Variants in RAB28 observed in about 807,000 individuals in gnomAD.
The protein encoded by RAB28 is ras-related protein Rab-28.
A neutral mutation model predicts 31.7 loss-of-function variants in RAB28; 24 were observed. The ratio of observed to expected loss-of-function variants is 0.76; its 90% CI spans 0.55 to 1.06. The LOEUF is 1.06. RAB28 is among the 50% of genes least tolerant of loss of function. RAB28 has a pLI of 0.00. For missense variants in RAB28, 254 were observed against 258.5 expected, an observed-to-expected ratio of 0.98 and a Z score of 0.12; for synonymous variants, 100 against 90.4, an observed-to-expected ratio of 1.11 and a Z score of -0.60.
rs573464190 is a variant in RAB28 at position 13,440,575 on chromosome 4, T to A, written c.391+20124A>T. Among the ~76,000 whole-genome samples, 11 of 152,242 alleles carry A rather than the reference T, an allele frequency of 7.2e-5. No individual in the cohort carries two copies. The East Asian group carries it at 1.9e-3, about 27-fold the overall frequency. ...TTGGTTTCCTCGTTAGAAAATAAAA[T>A]TACAAGATTAGAAAGTATTACCTTT... On this transcript the variant is annotated intron_variant, in intron 4 of 6. Transcript: ENST00000330852.
chr4:13,474,142 A>G (rs761904472), intron 3 of RAB28, 176 bp downstream of exon 3: 4 of 735,472 alleles, frequency 5.4e-6, no homozygotes, highest in Non-Finnish European at 7.5e-6. Context: ...ATCACTCCAA[A>G]CATAATTAGG....
intron 4 of RAB28, among the ~76,000 whole-genome samples, chr4:13,442,417 A>G (rs1419192184): frequency 6.6e-6 from 1 of 151,908 alleles, no homozygotes; most frequent in Non-Finnish European, 1.5e-5. Context: ...ATAGCACAAG[A>G]GCTTTCACCA....
chr4:13,422,461 C>T (rs903838950), intron 4 of RAB28, among the ~76,000 whole-genome samples: 5 of 152,198 alleles, frequency 3.3e-5, no homozygotes, highest in South Asian at 2.1e-4. Context: ...ATGTTTATTG[C>T]GGCACTATTC....
At chr4:13,473,608 G>C (rs1252298798) in intron 3 of RAB28, among the ~76,000 whole-genome samples, 1 of 151,654 alleles carries the variant, frequency 6.6e-6, no homozygotes, top group African/African-American at 2.4e-5. Flanking sequence ...AACTTTTAAA[G>C]TATATTACTA....
chr4:13,483,355 A>G (rs28482248), intron 1 of RAB28, among the ~76,000 whole-genome samples: 14,069 of 152,060 alleles, frequency 0.093, 1,257 homozygotes, highest in African/African-American at 0.24. Context: ...TCAGCATCCT[A>G]CCCGTAACAG....
At chr4:13,430,273 T>C (rs772270315) in intron 4 of RAB28, among the ~76,000 whole-genome samples, 9 of 151,850 alleles carry the variant, frequency 5.9e-5, no homozygotes, top group Non-Finnish European at 1.3e-4. Flanking sequence ...AGACCAAAGG[T>C]ATCAGTGAAT....
intron 3 of RAB28, among the ~76,000 whole-genome samples, chr4:13,466,879 A>C (rs763984982): frequency 1.3e-5 from 2 of 152,046 alleles, no homozygotes; most frequent in Non-Finnish European, 2.9e-5. Flanking sequence ...CATTTGCAAC[A>C]GCATGAATGG....
intron 4 of RAB28, among the ~76,000 whole-genome samples, chr4:13,403,428 C>G (rs1334881191): frequency 6.6e-6 from 1 of 152,172 alleles, no homozygotes; most frequent in Admixed American, 6.5e-5. Flanking sequence ...ACTCCTTAAA[C>G]GATTTTGTCT....
Position 13,423,477 on chromosome 4 carries a change from C to T in RAB28, c.391+37222G>A, listed in dbSNP as rs185962306. Among the ~76,000 whole-genome samples, 14 of 151,362 alleles carry T rather than the reference C, an allele frequency of 9.2e-5. No individual in the cohort carries two copies. The East Asian group carries it at 2.7e-3, about 30-fold the overall frequency. ...TCCAACCTGGGCAACAAGTGAAACT[C>T]CGTCTCGGGGGGGAAAAAAAAAGGT... is the stretch of plus-strand genomic sequence containing the variant. On this transcript the variant is annotated intron_variant, in intron 4 of 6. Coordinates refer to ENST00000330852, the MANE Select transcript of RAB28 (RefSeq NM_001017979.3).
At chr4:13,386,663 T>G (rs754692639) in intron 4 of RAB28, among the ~76,000 whole-genome samples, 15 of 152,216 alleles carry the variant, frequency 9.9e-5, no homozygotes, top group Non-Finnish European at 1.8e-4. Context: ...TATAAATTAC[T>G]TCAACCATTG....
At position 13,479,466 on chromosome 4, in the gene RAB28, C is replaced by G. The variant is rs758563787; in HGVS notation, c.136G>C (p.Gly46Arg). 2 of 1,608,726 alleles carry G rather than the reference C, an allele frequency of 1.2e-6. No individual in the cohort carries two copies. The highest frequency in any genetic ancestry group is 1.7e-6 in the Non-Finnish European group (2 of 1,176,542). The change falls in exon 2 of 7, where the codon GGA (glycine) becomes CGA (arginine). Residue 46 changes from glycine (G) to arginine (R), a missense_variant. Coordinates refer to ENST00000330852, the MANE Select transcript of RAB28 (RefSeq NM_001017979.3). ...ATCCTTCTCAAAAAGAAATCCAGTCCTATAGTTTGTTTGTACTGTTTCCCA... is the reference window on the plus strand; with the variant it reads ...ATCCTTCTCAAAAAGAAATCCAGTCGTATAGTTTGTTTGTACTGTTTCCCA... ...TFGKQYKQTIGLDFFLRRITL... is the reference protein window; with the variant it reads ...TFGKQYKQTIRLDFFLRRITL...
chr4:13,419,783 C>T (rs1055975703), intron 4 of RAB28, among the ~76,000 whole-genome samples: 1 of 152,044 alleles, frequency 6.6e-6, no homozygotes, highest in African/African-American at 2.4e-5. Flanking sequence ...GCACTAAATG[C>T]CCACAAGAGA....
intron 4 of RAB28, among the ~76,000 whole-genome samples, chr4:13,395,433 T>A (rs529367208): frequency 4.9e-4 from 74 of 152,108 alleles, no homozygotes; most frequent in African/African-American, 1.7e-3. Context: ...CAAGCAAAAT[T>A]CCCTTAATAA....
intron 3 of RAB28, among the ~76,000 whole-genome samples, chr4:13,464,489 A>G (rs1008800904): frequency 1.3e-5 from 2 of 152,062 alleles, no homozygotes; most frequent in Non-Finnish European, 2.9e-5. Flanking sequence ...CAAGCCCACT[A>G]AAGACTAAAA....
At chr4:13,420,349 T>A (rs1009620745) in intron 4 of RAB28, among the ~76,000 whole-genome samples, 1 of 152,102 alleles carries the variant, frequency 6.6e-6, no homozygotes, top group African/African-American at 2.4e-5. Context: ...CTGATACCAA[T>A]CCTTCTGAAA....
chr4:13,445,964 A>G (rs1714672137), intron 4 of RAB28, among the ~76,000 whole-genome samples: 1 of 152,146 alleles, frequency 6.6e-6, no homozygotes. Context: ...CCTGAACCTG[A>G]GTCTGCAGCC....
chr4:13,376,334 G>A (rs555775320), intron 6 of RAB28, among the ~76,000 whole-genome samples: 3 of 152,108 alleles, frequency 2.0e-5, no homozygotes, highest in Admixed American at 1.3e-4. Context: ...CAACAAAAGA[G>A]ACAAAATGAG....
chr4:13,381,817 T>A (rs1448962520), intron 4 of RAB28, among the ~76,000 whole-genome samples: 3 of 152,068 alleles, frequency 2.0e-5, no homozygotes, highest in Non-Finnish European at 4.4e-5. Flanking sequence ...ATAATTAATC[T>A]ATGTATAATG....
intron 6 of RAB28, among the ~76,000 whole-genome samples, chr4:13,374,968 A>G (rs1728861393): frequency 6.6e-6 from 1 of 152,166 alleles, no homozygotes; most frequent in Non-Finnish European, 1.5e-5. Context: ...TTTTAACCAA[A>G]CTGCTCTTCT....
Sources: allele counts gnomAD v4.1 joint callset (sites outside exome capture counted in the v4.1 genomes callset), GRCh38; gene constraint gnomAD v4.1.1; transcripts MANE v1.5; gene names NCBI Gene and HGNC (gene_info 2026-07-23, HGNC 2026-07-21).